The following NAALADL2 variants were observed in gnomAD, a reference collection of about 807,000 sequenced individuals.
NAALADL2 encodes the protein inactive N-acetylated-alpha-linked acidic dipeptidase-like protein 2.
NAALADL2 carries 76 observed loss-of-function variants against 87.2 expected under a neutral mutation model. The observed-to-expected ratio is 0.87, with a 90% CI of 0.72 to 1.05. NAALADL2 has a LOEUF of 1.05. Ranked by LOEUF, NAALADL2 falls within the 50% of genes least tolerant of loss-of-function variation. NAALADL2 has a pLI of 0.00. For missense variants in NAALADL2, 1,089 were observed against 945.8 expected (o/e 1.15, Z -1.99); for synonymous variants, 354 against 331.0 (o/e 1.07, Z -0.75).
chr3:175,558,938 T>C (rs892423052), intron 9 of NAALADL2, among the ~76,000 whole-genome samples: 1 of 152,122 alleles, frequency 6.6e-6, no homozygotes, highest in African/African-American at 2.4e-5. Flanking sequence ...AATTTTAAGA[T>C]TTTTTTGTTC....
intron 3 of NAALADL2, among the ~76,000 whole-genome samples, chr3:174,844,302 G>A (rs923625032): frequency 6.6e-6 from 1 of 152,104 alleles, no homozygotes; most frequent in African/African-American, 2.4e-5. Flanking sequence ...GTTGGCTATA[G>A]GTAGGCGAAT....
intron 4 of NAALADL2, among the ~76,000 whole-genome samples, chr3:175,264,128 T>A (rs1751539575): frequency 6.6e-6 from 1 of 151,896 alleles, no homozygotes; most frequent in Non-Finnish European, 1.5e-5. Flanking sequence ...CATTGCAGGA[T>A]GCAAGAATGG....
At chr3:175,256,171 AAGAG>A (rs1051006746) in intron 3 of NAALADL2, among the ~76,000 whole-genome samples, 3 of 152,126 alleles carry the variant, frequency 2.0e-5, no homozygotes, top group African/African-American at 4.8e-5. Flanking sequence ...AATTTTTTAG[AAGAG>A]AGAGAGAGCA....
intron 1 of NAALADL2, among the ~76,000 whole-genome samples, chr3:174,873,330 C>T (rs1319413874): frequency 6.6e-6 from 1 of 151,998 alleles, no homozygotes; most frequent in Non-Finnish European, 1.5e-5. Context: ...TCTTGGCTCA[C>T]TGCAACCTCC....
intron 2 of NAALADL2, among the ~76,000 whole-genome samples, chr3:175,179,992 A>G (rs1203034569): frequency 1.3e-5 from 2 of 151,962 alleles, no homozygotes; most frequent in African/African-American, 2.4e-5. Flanking sequence ...CAATTTCTGT[A>G]ATTGTGTTGA....
chr3:175,226,817 T>C (rs1216290145), intron 2 of NAALADL2, among the ~76,000 whole-genome samples: 1 of 152,132 alleles, frequency 6.6e-6, no homozygotes, highest in East Asian at 1.9e-4. Context: ...ATTTAATTCC[T>C]TGCTGCTATG....
chr3:175,481,710 C>G (rs113984983), intron 9 of NAALADL2, among the ~76,000 whole-genome samples: 4,495 of 151,894 alleles, frequency 0.03, 223 homozygotes, highest in African/African-American at 0.099. Context: ...AGGAGGAAAA[C>G]AGATAAATTG....
intron 12 of NAALADL2, among the ~76,000 whole-genome samples, chr3:175,753,459 G>A (rs553965262): frequency 1.1e-4 from 17 of 151,908 alleles, no homozygotes; most frequent in East Asian, 1.9e-4. Context: ...ATTTCAACAC[G>A]GTGCTGGGCA....
intron 5 of NAALADL2, among the ~76,000 whole-genome samples, chr3:175,384,486 T>G (rs9828331): frequency 6.6e-6 from 1 of 151,828 alleles, no homozygotes; most frequent in African/African-American, 2.4e-5. Context: ...TGATTTAACT[T>G]TATCATTATA....
chr3:174,522,145 G>A (rs991522964), intron 1 of NAALADL2, among the ~76,000 whole-genome samples: 2 of 152,048 alleles, frequency 1.3e-5, no homozygotes, highest in African/African-American at 2.4e-5. Context: ...GTTAATACAC[G>A]TCTCATAGAG....
chr3:175,440,698 T>A (rs1242702156), intron 5 of NAALADL2, among the ~76,000 whole-genome samples: 1 of 152,174 alleles, frequency 6.6e-6, no homozygotes. Flanking sequence ...TTGCTGTTGG[T>A]GTATAGCAGG....
chr3:174,991,453 TA>T (rs1225429110), intron 1 of NAALADL2, among the ~76,000 whole-genome samples: 4 of 131,756 alleles, frequency 3.0e-5, no homozygotes, highest in African/African-American at 1.5e-4. Context: ...TATAAAAACA[TA>T]TTTTTAGAGA....
At chr3:175,268,242 C>T (rs1184524414) in intron 4 of NAALADL2, among the ~76,000 whole-genome samples, 1 of 152,074 alleles carries the variant, frequency 6.6e-6, no homozygotes, top group Admixed American at 6.6e-5. Flanking sequence ...TATTGCCATG[C>T]TGAATACTGC....
At chr3:175,144,310 C>G (rs999550211) in intron 2 of NAALADL2, among the ~76,000 whole-genome samples, 2 of 152,046 alleles carry the variant, frequency 1.3e-5, no homozygotes, top group South Asian at 4.1e-4. Context: ...TTAATTACTT[C>G]ATTCTCATAA....
At chr3:175,095,325 TTTTG>T (rs144405433) in intron 1 of NAALADL2, among the ~76,000 whole-genome samples, 2,692 of 152,110 alleles carry the variant, frequency 0.018, 68 homozygotes, top group African/African-American at 0.055. Context: ...TATCTGACTT[TTTTG>T]TTTGTTTGTC....
intron 1 of NAALADL2, among the ~76,000 whole-genome samples, chr3:175,013,083 C>T (rs9858138): frequency 0.18 from 11,910 of 67,568 alleles, 3,576 homozygotes; most frequent in African/African-American, 0.7. Context: ...ATATGTAATA[C>T]ATATTTATAT....
At chr3:174,555,006 A>C (rs1712583462) in intron 2 of NAALADL2, among the ~76,000 whole-genome samples, 1 of 152,150 alleles carries the variant, frequency 6.6e-6, no homozygotes, top group Admixed American at 6.5e-5. Context: ...TCTTTTTACA[A>C]GGGTATAATC....
intron 1 of NAALADL2, among the ~76,000 whole-genome samples, chr3:174,875,515 TAGTAATC>T (rs1225498834): frequency 1.3e-5 from 2 of 152,196 alleles, no homozygotes; most frequent in Non-Finnish European, 2.9e-5. Context: ...CAGATTTTGA[TAGTAATC>T]AGTAATCTCA....
At chr3:175,531,314 T>C (rs1734061461) in intron 9 of NAALADL2, among the ~76,000 whole-genome samples, 1 of 152,100 alleles carries the variant, frequency 6.6e-6, no homozygotes, top group African/African-American at 2.4e-5. Flanking sequence ...TGCAGCAGCT[T>C]ATCCCTCACC....
Sources: gnomAD v4.1 joint callset for allele counts (sites outside exome capture counted in the v4.1 genomes callset) on GRCh38, gnomAD v4.1.1 for gene constraint, MANE v1.5 for transcripts, NCBI Gene and HGNC (gene_info 2026-07-23, HGNC 2026-07-21) for gene names.